TADA2A: variants seen among roughly 807,000 people sequenced by gnomAD.
The protein encoded by TADA2A is transcriptional adaptor 2A.
TADA2A carries 38 observed loss-of-function variants against 67.4 expected under a neutral mutation model. The observed-to-expected ratio is 0.56, with a 90% confidence interval of 0.44 to 0.74. The LOEUF (loss-of-function observed/expected upper bound fraction) is 0.74. Ranked by LOEUF, TADA2A falls within the 30% of genes least tolerant of loss-of-function variation. TADA2A has a pLI of 0.00. For missense variants in TADA2A, 454 were observed against 547.0 expected (o/e 0.83, Z 1.70); for synonymous variants, 192 against 181.6 (o/e 1.06, Z -0.46).
rs1293935642 is a variant in TADA2A at position 37,464,850 on chromosome 17, A to G, written c.713-581A>G. Among the ~76,000 whole-genome samples, 5 of 148,560 alleles carry G rather than the reference A, an allele frequency of 3.4e-5. No homozygotes were observed. The East Asian group carries it at 9.8e-4, about 29-fold the overall frequency. On this transcript the variant is annotated intron_variant, in intron 10 of 15. Coordinates refer to ENST00000615182, the MANE Select transcript of TADA2A (RefSeq NM_001166105.3). ...CAAGACTCCATCTCAAAAAAAAAAA[A>G]AAAGACAGTGAGGTGGCTGGGCGCG...
At position 37,476,820 on chromosome 17, in the gene TADA2A, C is replaced by T. The variant is rs756977328; in HGVS notation, c.1170C>T (p.Val390=). The change falls in exon 16 of 16, where the codon GTC becomes GTT. Residue 390 remains valine, a synonymous_variant. Transcript: ENST00000615182. The part of the protein sequence containing the change: ...EKELCQMVRL[V]PGAYLEYKSA... ...AGCTCTGTCAGATGGTGAGGTTGGT[C>T]CCTGGAGCCTATTTAGAATACAAAT... 3 of 1,613,296 alleles carry T rather than the reference C, an allele frequency of 1.9e-6. No homozygotes were observed. Among genetic ancestry groups the T allele is most frequent in the Non-Finnish European group, 2.5e-6 (3 of 1,179,534 alleles).
rs2053664151 is a variant in TADA2A at position 37,466,333 on chromosome 17, T to C, written c.823+792T>C. Among the ~76,000 whole-genome samples the C allele has an allele frequency of 3.3e-5, 5 of 152,200 alleles. No individual in the cohort carries two copies. The South Asian group carries it at 1.0e-3, about 32-fold the overall frequency. ...TACTTTGGAGGCTGAGGTGGGAGGA[T>C]TGCTTGAACCCGGGTAGCCGAGGTT... On this transcript the variant is annotated intron_variant, in intron 11 of 15. Transcript: ENST00000615182.
Position 37,411,543 on chromosome 17 carries a change from C to T in TADA2A, c.25+153C>T, listed in dbSNP as rs142524121. Among the ~76,000 whole-genome samples the T allele has an allele frequency of 2.2e-4, 34 of 152,198 alleles. No individual in the cohort carries two copies. In the East Asian group the frequency reaches 5.0e-3, roughly 22 times the overall value. On this transcript the variant is annotated intron_variant, in intron 2 of 15. Transcript: ENST00000615182. ...CTTTAAACGGTTCTCCTGCCTCAGC[C>T]GCCTGAGTAGCTAGGACTACAGGCG... is the stretch of plus-strand genomic sequence containing the variant.
chr17:37,412,678 G>A (rs1478675669), intron 2 of TADA2A, among the ~76,000 whole-genome samples: 3 of 151,774 alleles, frequency 2.0e-5, no homozygotes, highest in Non-Finnish European at 4.4e-5. Context: ...CAGCTACACG[G>A]GAGCTGAGGC....
At chr17:37,474,823 C>T (rs1287624396) in intron 15 of TADA2A, among the ~76,000 whole-genome samples, 194 bp downstream of exon 15, 2 of 152,204 alleles carry the variant, frequency 1.3e-5, no homozygotes. Context: ...CTTACCTTGT[C>T]ACCCTACCAC....
At chr17:37,412,480 A>G (rs1036225978) in intron 2 of TADA2A, among the ~76,000 whole-genome samples, 2 of 151,852 alleles carry the variant, frequency 1.3e-5, no homozygotes, top group African/African-American at 4.8e-5. Flanking sequence ...AAGTAGCCAT[A>G]ACTATGGATA....
chr17:37,431,410 T>C (rs2052562995), intron 4 of TADA2A, among the ~76,000 whole-genome samples: 1 of 152,028 alleles, frequency 6.6e-6, no homozygotes, highest in African/African-American at 2.4e-5. Context: ...TAATACATCA[T>C]GTGCTAGGCA....
At chr17:37,461,239 A>C (rs1168301692) in intron 9 of TADA2A, among the ~76,000 whole-genome samples, 1 of 152,062 alleles carries the variant, frequency 6.6e-6, no homozygotes, top group African/African-American at 2.4e-5. Flanking sequence ...TGAGAATCTA[A>C]TGCTGCCGCT....
chr17:37,425,040 C>T (rs1388187706), intron 3 of TADA2A, among the ~76,000 whole-genome samples: 2 of 151,932 alleles, frequency 1.3e-5, no homozygotes. Context: ...CCACCATTCC[C>T]AGCTAATTTT....
Position 37,423,633 on chromosome 17 carries a change from G to C in TADA2A, c.132+18G>C. The C allele has an allele frequency of 6.4e-7, 1 of 1,569,160 alleles. No individual in the cohort carries two copies. The highest frequency in any genetic ancestry group is 8.7e-7 in the Non-Finnish European group (1 of 1,146,184). ...GCTTGCAGGTAACTCACTAATGCTGGCTTCTCCTAGCCTAGTTTTATGCTA... is the reference window on the plus strand; with the variant it reads ...GCTTGCAGGTAACTCACTAATGCTGCCTTCTCCTAGCCTAGTTTTATGCTA... On this transcript the variant is annotated intron_variant, in intron 3 of 15. Transcript: ENST00000615182.
intron 7 of TADA2A, 121 bp downstream of exon 7, chr17:37,442,773 G>A (rs1160932882): frequency 1.1e-5 from 10 of 888,946 alleles, no homozygotes; most frequent in Admixed American, 2.9e-5. Flanking sequence ...ACTATAATTT[G>A]TAGGACCTTT....
At chr17:37,465,827 A>G (rs71382470) in intron 11 of TADA2A, among the ~76,000 whole-genome samples, 1 of 152,136 alleles carries the variant, frequency 6.6e-6, no homozygotes, top group Non-Finnish European at 1.5e-5. Context: ...TAGAGATAAT[A>G]ATATGATGAA....
At chr17:37,456,527 G>A (rs140901661) in intron 8 of TADA2A, among the ~76,000 whole-genome samples, 12 of 152,296 alleles carry the variant, frequency 7.9e-5, no homozygotes, top group African/African-American at 2.9e-4. Context: ...TAAGTGCAGT[G>A]TGGCTAAGAC....
At chr17:37,446,216 T>C (rs1035412662) in intron 8 of TADA2A, among the ~76,000 whole-genome samples, 1 of 151,840 alleles carries the variant, frequency 6.6e-6, no homozygotes, top group Non-Finnish European at 1.5e-5. Flanking sequence ...AGCAAACTAC[T>C]TTAGCATTAA....
intron 14 of TADA2A, among the ~76,000 whole-genome samples, chr17:37,471,655 G>A (rs58442376): frequency 8.6e-5 from 13 of 152,026 alleles, no homozygotes; most frequent in African/African-American, 3.1e-4. Flanking sequence ...TTACAGGCAT[G>A]CACCACCACG....
intron 5 of TADA2A, among the ~76,000 whole-genome samples, chr17:37,439,390 C>T (rs1486072107): frequency 6.6e-6 from 1 of 152,108 alleles, no homozygotes; most frequent in Non-Finnish European, 1.5e-5. Context: ...TCAAGTGATC[C>T]TCCCAGCTCA....
chr17:37,447,199 T>C (rs2053107092), intron 8 of TADA2A, among the ~76,000 whole-genome samples: 1 of 152,230 alleles, frequency 6.6e-6, no homozygotes, highest in Non-Finnish European at 1.5e-5. Context: ...TCTCACCTTG[T>C]TAGCCAGGCG....
intron 14 of TADA2A, among the ~76,000 whole-genome samples, chr17:37,472,449 G>A (rs982340772): frequency 6.6e-6 from 1 of 152,076 alleles, no homozygotes. Flanking sequence ...AAAAGGTATT[G>A]TTTTAGGGGA....
chr17:37,474,818 C>T (rs2053860343), intron 15 of TADA2A, among the ~76,000 whole-genome samples, 189 bp downstream of exon 15: 1 of 152,174 alleles, frequency 6.6e-6, no homozygotes, highest in Non-Finnish European at 1.5e-5. Flanking sequence ...AATTGCTTAC[C>T]TTGTCACCCT....
Sources: allele counts gnomAD v4.1 joint callset (sites outside exome capture counted in the v4.1 genomes callset), GRCh38; gene constraint gnomAD v4.1.1; transcripts MANE v1.5; gene names NCBI Gene and HGNC (gene_info 2026-07-23, HGNC 2026-07-21).